The following PIK3C2G variants were observed in gnomAD, a reference collection of about 807,000 sequenced individuals.
PIK3C2G encodes phosphatidylinositol-4-phosphate 3-kinase catalytic subunit type 2 gamma.
PIK3C2G carries 168 observed loss-of-function variants against 181.1 expected under a neutral mutation model. That is an observed-to-expected ratio of 0.93 (90% CI 0.82 to 1.05). The LOEUF (loss-of-function observed/expected upper bound fraction) is 1.05, where lower values mean the gene tolerates loss of function less well. PIK3C2G is among the 50% of genes least tolerant of loss of function. The probability of loss-of-function intolerance (pLI) is 0.00; values close to 1 mark genes in which losing one functional copy is unlikely to be tolerated. For missense variants in PIK3C2G, 1,869 were observed against 1,732.8 expected (o/e 1.08, Z -1.40); for synonymous variants, 573 against 592.2 (o/e 0.97, Z 0.47).
At chr12:18,447,168 CT>C in intron 18 of PIK3C2G, among the ~76,000 whole-genome samples, 1 of 152,242 alleles carries the variant, frequency 6.6e-6, no homozygotes, top group African/African-American at 2.4e-5. Context: ...TAGATGATCA[CT>C]TTTTACTCAG....
chr12:18,564,097 AT>A (rs1222194351), intron 28 of PIK3C2G, among the ~76,000 whole-genome samples: 1 of 151,824 alleles, frequency 6.6e-6, no homozygotes, highest in Non-Finnish European at 1.5e-5. Context: ...TGAATTTGTT[AT>A]TTTGTTCATT....
intron 14 of PIK3C2G, among the ~76,000 whole-genome samples, chr12:18,382,634 TG>T (rs1285385671): frequency 2.0e-5 from 3 of 152,184 alleles, no homozygotes; most frequent in African/African-American, 7.2e-5. Context: ...TGCTTTGTGG[TG>T]GGGGCTGCTC....
In PIK3C2G at chr12:18,282,517, C is replaced by A; in HGVS notation, c.436C>A (p.Pro146Thr). The change falls in exon 2 of 33, where the codon CCA (proline) becomes ACA (threonine). Residue 146 changes from proline to threonine, a missense_variant. Physicochemically the swap from Pro to Thr is conservative, Grantham distance 38. Coordinates refer to ENST00000538779, the MANE Select transcript of PIK3C2G (RefSeq NM_001288772.2). ...TGATTCCAGATTCAGTATTTTAGCT[C>A]CATCATTCACAAGTTTGGATAAAAT... is the stretch of plus-strand genomic sequence containing the variant. ...ADDSRFSILAPSFTSLDKINL... is the reference protein window; with the variant it reads ...ADDSRFSILATSFTSLDKINL... 1 of 1,611,838 alleles carries A rather than the reference C, an allele frequency of 6.2e-7. No homozygotes were observed. Among genetic ancestry groups the A allele is most frequent in the South Asian group, 1.1e-5 (1 of 91,046 alleles).
intron 30 of PIK3C2G, among the ~76,000 whole-genome samples, chr12:18,595,396 A>G (rs1431649158): frequency 6.6e-6 from 1 of 152,064 alleles, no homozygotes. Context: ...AACATTAAGC[A>G]AAAAACTCAG....
intron 24 of PIK3C2G, among the ~76,000 whole-genome samples, chr12:18,513,532 T>A (rs1414696837): frequency 1.3e-5 from 2 of 151,878 alleles, no homozygotes; most frequent in African/African-American, 4.8e-5. Context: ...GTAGATTGTA[T>A]GTGTCTAGGA....
chr12:18,480,741 T>G (rs1259086153), intron 18 of PIK3C2G, among the ~76,000 whole-genome samples: 1 of 152,086 alleles, frequency 6.6e-6, no homozygotes, highest in Non-Finnish European at 1.5e-5. Context: ...AATTCACCCC[T>G]GAATTTGCGT....
At chr12:18,674,780 T>C in the PIK3C2G span, among the ~76,000 whole-genome samples, 1 of 152,258 alleles carries the variant, frequency 6.6e-6, no homozygotes, top group Non-Finnish European at 1.5e-5. Flanking sequence ...TGTAATGAGT[T>C]GAAAGTGGTA....
chr12:18,253,372 A>C (rs574386693), intron 1 of PIK3C2G, among the ~76,000 whole-genome samples: 57 of 152,328 alleles, frequency 3.7e-4, no homozygotes, highest in African/African-American at 1.3e-3. Context: ...ACCTATAGAC[A>C]GTTGTTAAAA....
intron 5 of PIK3C2G, among the ~76,000 whole-genome samples, chr12:18,306,874 C>T (rs11044019): frequency 0.35 from 53,223 of 151,496 alleles, 9,719 homozygotes; most frequent in Non-Finnish European, 0.41. Flanking sequence ...CGTTTATTTT[C>T]TATACATGAG....
chr12:18,630,086 T>C (rs1455489697), intron 31 of PIK3C2G, among the ~76,000 whole-genome samples: 3 of 151,992 alleles, frequency 2.0e-5, no homozygotes, highest in Non-Finnish European at 2.9e-5. Flanking sequence ...AGGAACATTA[T>C]GAAGGGAAGG....
At chr12:18,408,133 T>C (rs1944643687) in intron 16 of PIK3C2G, among the ~76,000 whole-genome samples, 1 of 152,176 alleles carries the variant, frequency 6.6e-6, no homozygotes, top group Non-Finnish European at 1.5e-5. Context: ...CATTAAGTCT[T>C]TGCCCATGAC....
chr12:18,386,033 C>T (rs74070254), intron 14 of PIK3C2G, among the ~76,000 whole-genome samples: 132 of 152,148 alleles, frequency 8.7e-4, no homozygotes, highest in African/African-American at 3.0e-3. Flanking sequence ...AACTGAACTC[C>T]CTCCTCTTCT....
At chr12:18,707,682 G>A in the PIK3C2G span, among the ~76,000 whole-genome samples, 4 of 151,980 alleles carry the variant, frequency 2.6e-5, no homozygotes, top group Non-Finnish European at 4.4e-5. Context: ...GACTTCCCTA[G>A]TCATAATTAT....
chr12:18,413,559 G>T (rs989468312), intron 16 of PIK3C2G, among the ~76,000 whole-genome samples: 1 of 151,770 alleles, frequency 6.6e-6, no homozygotes, highest in Non-Finnish European at 1.5e-5. Flanking sequence ...TTGTTACATT[G>T]TAATAATCCA....
chr12:18,369,445 C>T lies in PIK3C2G; in HGVS notation c.1749-1735C>T, dbSNP rs552855549. 3.6e-4 allele frequency among the ~76,000 whole-genome samples: 55 copies of T among 151,056 alleles called. 7 individuals carry two copies. In the South Asian group the frequency reaches 7.8e-3, roughly 21 times the overall value. On this transcript the variant is annotated intron_variant, in intron 12 of 32. Transcript: ENST00000538779. ...ATATAATTGACATATGATCATATAA[C>T]GATCGTATAATTGACATATGATCAT...
chr12:18,255,334 T>C (rs1433463895), intron 1 of PIK3C2G, among the ~76,000 whole-genome samples: 1 of 152,134 alleles, frequency 6.6e-6, no homozygotes, highest in East Asian at 1.9e-4. Context: ...TAAGTAACTT[T>C]TTAAGAACAA....
At chr12:18,543,354 G>A (rs1191351737) in intron 25 of PIK3C2G, among the ~76,000 whole-genome samples, 3 of 151,850 alleles carry the variant, frequency 2.0e-5, no homozygotes, top group South Asian at 2.1e-4. Context: ...CGTTTACTCC[G>A]TTGATAGTTT....
chr12:18,362,183 G>A (rs10841019), intron 11 of PIK3C2G, among the ~76,000 whole-genome samples: 23,687 of 152,076 alleles, frequency 0.16, 2,408 homozygotes, highest in Admixed American at 0.28. Context: ...TGTGGAGAGA[G>A]GCAATAGCAA....
Position 18,589,647 on chromosome 12 carries a change from G to C in PIK3C2G, c.4012-4847G>C, listed in dbSNP as rs1434555230. Among the ~76,000 whole-genome samples the C allele has an allele frequency of 2.6e-5, 4 of 151,808 alleles. No homozygotes were observed. In the East Asian group the frequency reaches 7.7e-4, roughly 29 times the overall value. The stretch of plus-strand genomic sequence containing the variant: ...CCTACCCCACCTTCTTCTGGGACAA[G>C]GATTATTAAGAAAATGAGAGGGAAC... On this transcript the variant is annotated intron_variant, in intron 29 of 32. Transcript: ENST00000538779.
Sources: allele counts gnomAD v4.1 joint callset (sites outside exome capture counted in the v4.1 genomes callset), GRCh38; gene constraint gnomAD v4.1.1; transcripts MANE v1.5; gene names NCBI Gene and HGNC (gene_info 2026-07-23, HGNC 2026-07-21).